The following TSPAN16 variants were observed in gnomAD, a reference collection of about 807,000 sequenced individuals.
The protein encoded by TSPAN16 is tetraspanin 16, also known as tetraspanin-16.
In TSPAN16, 23 loss-of-function variants were observed where a neutral mutation model predicts 25.2. That is an observed-to-expected ratio of 0.91 (90% CI 0.66 to 1.29). The LOEUF is 1.29. Among genes scored for constraint, TSPAN16 ranks in the 50% most tolerant of loss-of-function variants. The pLI is 0.00. For synonymous variants in TSPAN16, 123 were observed against 124.4 expected (o/e 0.99, Z 0.08); for missense variants, 272 against 299.9 (o/e 0.91, Z 0.69).
At chr19:11,298,837 G>A in intron 2 of TSPAN16, 35 bp from the exon 3 acceptor site, 2 of 1,604,128 alleles carry the variant, frequency 1.2e-6, no homozygotes, top group Middle Eastern at 1.7e-4. Context: ...AGGCTGAGCA[G>A]GCTCCCAGGC....
chr19:11,310,586 C>T (rs1044833325), intron 5 of TSPAN16, among the ~76,000 whole-genome samples: 9 of 151,202 alleles, frequency 6.0e-5, no homozygotes, highest in Admixed American at 2.0e-4. Flanking sequence ...GCCCTGCCAA[C>T]GCACTTTGCC....
At chr19:11,317,484 TTTTTTTC>T (rs757761727), downstream of TSPAN16, among the ~76,000 whole-genome samples, 419 of 152,056 alleles carry the variant, frequency 2.8e-3, 1 homozygote, top group African/African-American at 8.1e-3. Flanking sequence ...CCCAGCTAAT[TTTTTTTC>T]TTTTTTCTTT....
intron 3 of TSPAN16, among the ~76,000 whole-genome samples, chr19:11,299,363 A>AG (rs1442763253): frequency 6.6e-6 from 1 of 151,622 alleles, no homozygotes; most frequent in Non-Finnish European, 1.5e-5. Context: ...CCAGTGATGG[A>AG]GGGGCCCATC....
At chr19:11,303,576 TTAAA>T (rs2080592456) in intron 4 of TSPAN16, among the ~76,000 whole-genome samples, 2 of 74,526 alleles carry the variant, frequency 2.7e-5, no homozygotes, top group African/African-American at 1.2e-4. Flanking sequence ...AATAAATAAA[TTAAA>T]AAAAAAAAAA....
intron 4 of TSPAN16, among the ~76,000 whole-genome samples, chr19:11,305,245 T>C (rs1173231711): frequency 6.6e-6 from 1 of 152,152 alleles, no homozygotes; most frequent in East Asian, 1.9e-4. Context: ...AAATCCTTGT[T>C]GGTGCTGGGC....
chr19:11,315,682 C>G, intron 6 of TSPAN16, 109 bp from the exon 7 acceptor site: 1 of 876,220 alleles, frequency 1.1e-6, no homozygotes, highest in Non-Finnish European at 1.5e-6. Context: ...AAAACCCTGC[C>G]CCTCGCCTTT....
intron 4 of TSPAN16, among the ~76,000 whole-genome samples, chr19:11,305,536 AAT>A (rs1381589228): frequency 1.3e-4 from 20 of 149,554 alleles, no homozygotes; most frequent in African/African-American, 4.5e-4. Flanking sequence ...TCTCAAAAAA[AAT>A]AATAAAAATA....
downstream of TSPAN16, among the ~76,000 whole-genome samples, chr19:11,319,806 A>ATTTTG (rs769366065): frequency 1.7e-4 from 25 of 151,478 alleles, no homozygotes; most frequent in East Asian, 3.2e-3. Flanking sequence ...TTTAGGTTGT[A>ATTTTG]TTTTGTTTTG....
chr19:11,325,608 A>T (rs758217671), intron 6 of TSPAN16: 105 of 1,502,932 alleles, frequency 7.0e-5, no homozygotes, highest in African/African-American at 8.7e-5. Context: ...TAAGGTGGGG[A>T]CACTCGTAAG....
chr19:11,311,993 G>A (rs571009351), intron 5 of TSPAN16, 146 bp from the exon 6 acceptor site: 222 of 598,106 alleles, frequency 3.7e-4, no homozygotes, highest in Non-Finnish European at 5.4e-4. Flanking sequence ...AAATGAGATG[G>A]AGGGAAGGCC....
chr19:11,315,712 T>C (rs1328540444), intron 6 of TSPAN16, 79 bp from the exon 7 acceptor site: 3 of 1,133,262 alleles, frequency 2.6e-6, no homozygotes, highest in African/African-American at 3.2e-5. Flanking sequence ...GATGCTCCCC[T>C]TGTCCCCGTA....
At position 11,301,067 on chromosome 19, in the gene TSPAN16, T is replaced by A. The variant is rs528418795; in HGVS notation, c.343-134T>A. The A allele has an allele frequency of 4.4e-6, 3 of 688,120 alleles. No individual in the cohort carries two copies. In the East Asian group the frequency reaches 8.3e-5, roughly 19 times the overall value. The allele number at this position is 688,120 out of a possible 1,614,324, so 42.6% of individuals were successfully genotyped here. Reference sequence around the variant, plus strand: ...TGTGTCTTCCTCTAGCACAGACCCCTGAGCTGAGGGTAGGAAAAATGAAGG... The same window carrying A: ...TGTGTCTTCCTCTAGCACAGACCCCAGAGCTGAGGGTAGGAAAAATGAAGG... On this transcript the variant is annotated intron_variant, in intron 3 of 6. Coordinates refer to ENST00000590327, the MANE Select transcript of TSPAN16 (RefSeq NM_001282509.2).
chr19:11,314,514 T>A (rs953487932), intron 6 of TSPAN16, among the ~76,000 whole-genome samples: 7 of 152,138 alleles, frequency 4.6e-5, no homozygotes, highest in Admixed American at 6.6e-5. Context: ...ATTTATTTCT[T>A]TGGGGTAATT....
At chr19:11,315,234 T>TTAATAATAA (rs1555705582) in intron 6 of TSPAN16, among the ~76,000 whole-genome samples, 1 of 91,198 alleles carries the variant, frequency 1.1e-5, no homozygotes, top group Non-Finnish European at 2.0e-5. Flanking sequence ...AGACTCCTTC[T>TTAATAATAA]CAATAATAAT....
At chr19:11,315,718 C>A in intron 6 of TSPAN16, 73 bp from the exon 7 acceptor site, 1 of 1,162,474 alleles carries the variant, frequency 8.6e-7, no homozygotes, top group South Asian at 4.4e-5. Flanking sequence ...CCCCTTGTCC[C>A]CGTAACTCCA....
At chr19:11,299,001 C>T (rs911886880) in intron 3 of TSPAN16, 55 bp downstream of exon 3, 24 of 1,566,718 alleles carry the variant, frequency 1.5e-5, no homozygotes, top group Middle Eastern at 1.7e-4. Context: ...GAACCAAGGA[C>T]GGGCACAGTG....
At chr19:11,299,616 C>G (rs545705991) in intron 3 of TSPAN16, among the ~76,000 whole-genome samples, 1 of 152,218 alleles carries the variant, frequency 6.6e-6, no homozygotes, top group Non-Finnish European at 1.5e-5. Context: ...AGTCCCATCT[C>G]TGGGAATTAT....
chr19:11,321,156 G>C (rs950527999), intron 6 of TSPAN16: 4 of 150,662 alleles, frequency 2.7e-5, no homozygotes, highest in African/African-American at 9.8e-5. Context: ...TGGCAGAGTA[G>C]GACTGAGTCT....
chr19:11,316,811 C>CCTT (rs1568296051), downstream of TSPAN16, among the ~76,000 whole-genome samples: 1 of 129,620 alleles, frequency 7.7e-6, no homozygotes. Flanking sequence ...CCCCCCCCGC[C>CCTT]TTTTTTTTTT....
Sources: gnomAD v4.1 joint callset for allele counts (sites outside exome capture counted in the v4.1 genomes callset) on GRCh38, gnomAD v4.1.1 for gene constraint, MANE v1.5 for transcripts, NCBI Gene and HGNC (gene_info 2026-07-23, HGNC 2026-07-21) for gene names.